RGS6: variants seen among roughly 807,000 people sequenced by gnomAD.
The protein encoded by RGS6 is regulator of G protein signaling 6.
In RGS6, 30 loss-of-function variants were observed where a neutral mutation model predicts 78.5. The ratio of observed to expected loss-of-function variants is 0.38; its 90% CI spans 0.29 to 0.52. The LOEUF is 0.52. Ranked by LOEUF, RGS6 falls within the 20% of genes least tolerant of loss-of-function variation. RGS6 has a pLI of 0.85. For missense variants in RGS6, 495 were observed against 609.7 expected, an observed-to-expected ratio of 0.81 and a Z score of 1.98; for synonymous variants, 206 against 206.0, an observed-to-expected ratio of 1.00 and a Z score of 0.00.
chr14:72,449,156 A>C (rs1030063062), intron 3 of RGS6, among the ~76,000 whole-genome samples: 7 of 152,228 alleles, frequency 4.6e-5, no homozygotes, highest in Non-Finnish European at 8.8e-5. Flanking sequence ...TTGACTGAAG[A>C]GTATGGTGAG....
chr14:72,418,328 G>A lies in RGS6; in HGVS notation c.185-36200G>A, dbSNP rs534514513. On this transcript the variant is annotated intron_variant, in intron 3 of 17. Coordinates refer to ENST00000553525, the MANE Select transcript of RGS6 (RefSeq NM_001204424.2). ...ATAACAGGCACCTGCCACTACAGCC[G>A]GCTAATTTTTGTATTTTTAGTAGAG... is the stretch of plus-strand genomic sequence containing the variant. 1.6e-4 allele frequency among the ~76,000 whole-genome samples: 25 copies of A among 152,110 alleles called. No homozygotes were observed. In the East Asian group the frequency reaches 2.1e-3, roughly 13 times the overall value.
chr14:72,090,795 C>T (rs1234044656), intron 2 of RGS6, among the ~76,000 whole-genome samples: 1 of 152,164 alleles, frequency 6.6e-6, no homozygotes, highest in Non-Finnish European at 1.5e-5. Context: ...TAGGGCCCAC[C>T]TTGGCCTTGC....
At chr14:72,226,805 C>T (rs892077537) in intron 2 of RGS6, among the ~76,000 whole-genome samples, 4 of 152,190 alleles carry the variant, frequency 2.6e-5, no homozygotes, top group Non-Finnish European at 5.9e-5. Context: ...TGGGTTCAAG[C>T]GATTCTCCTG....
chr14:72,615,900 G>A, the RGS6 span, among the ~76,000 whole-genome samples: 4 of 152,364 alleles, frequency 2.6e-5, no homozygotes, highest in Admixed American at 2.0e-4. Context: ...TTCCACTTCC[G>A]GTTGGGTCTG....
chr14:72,563,872 T>A lies in RGS6; in HGVS notation c.*1405T>A, dbSNP rs1250168867. 1 of 151,870 alleles carries A rather than the reference T, an allele frequency of 6.6e-6. No individual in the cohort carries two copies. Among genetic ancestry groups the A allele is most frequent in the Non-Finnish European group, 1.5e-5 (1 of 67,986 alleles). The allele number at this position is 151,870 out of a possible 1,614,324, so 9.4% of individuals were successfully genotyped here. The stretch of plus-strand genomic sequence containing the variant: ...ACTCCCCCACTTGCTATGACTACCC[T>A]CCTTTGATCTATTTTTGGTCATAGG... On this transcript the variant is annotated 3_prime_UTR_variant, in exon 18 of 18. Transcript: ENST00000553525.
chr14:72,210,673 A>G (rs1370463024), intron 2 of RGS6, among the ~76,000 whole-genome samples: 1 of 152,064 alleles, frequency 6.6e-6, no homozygotes, highest in Non-Finnish European at 1.5e-5. Context: ...TAACAGTGCA[A>G]ATCCTTTTGG....
intron 5 of RGS6, 96 bp downstream of exon 5, chr14:72,458,473 G>GGCTACTCCCTCAGATAT: frequency 1.1e-6 from 1 of 935,164 alleles, no homozygotes; most frequent in Non-Finnish European, 1.7e-6. Context: ...GATATCTGAG[G>GGCTACTCCCTCAGATAT]GAGTAGCCCT....
At chr14:72,233,587 G>A (rs1268676863) in intron 2 of RGS6, among the ~76,000 whole-genome samples, 1 of 152,170 alleles carries the variant, frequency 6.6e-6, no homozygotes, top group Non-Finnish European at 1.5e-5. Context: ...TTGATTCTTT[G>A]TATACTTGTT....
At chr14:72,280,759 C>T (rs1832721488) in intron 2 of RGS6, among the ~76,000 whole-genome samples, 1 of 152,160 alleles carries the variant, frequency 6.6e-6, no homozygotes, top group South Asian at 2.1e-4. Context: ...TTTTCACATG[C>T]TGAAACAGAG....
chr14:72,140,922 G>A (rs556040047), intron 2 of RGS6, among the ~76,000 whole-genome samples: 1 of 152,294 alleles, frequency 6.6e-6, no homozygotes, highest in East Asian at 1.9e-4. Context: ...TTTGATTTGG[G>A]AGAGGTTCTT....
At chr14:72,550,186 G>A (rs545481151) in intron 17 of RGS6, among the ~76,000 whole-genome samples, 5 of 152,196 alleles carry the variant, frequency 3.3e-5, no homozygotes, top group South Asian at 2.1e-4. Flanking sequence ...TGGCGATCCC[G>A]GTAAAGTCAG....
At chr14:72,270,151 A>G (rs964431232) in intron 2 of RGS6, among the ~76,000 whole-genome samples, 3 of 152,268 alleles carry the variant, frequency 2.0e-5, no homozygotes, top group African/African-American at 7.2e-5. Flanking sequence ...ATGGGGATGG[A>G]TCTAGATCAA....
chr14:71,946,030 C>T (rs2091459524), intron 1 of RGS6, among the ~76,000 whole-genome samples: 1 of 152,166 alleles, frequency 6.6e-6, no homozygotes. Flanking sequence ...TATTATTTTG[C>T]TGACCATACA....
chr14:72,160,784 T>G (rs1393964851), intron 2 of RGS6, among the ~76,000 whole-genome samples: 4 of 152,188 alleles, frequency 2.6e-5, no homozygotes, highest in Non-Finnish European at 5.9e-5. Context: ...GCTGACACCT[T>G]GACTTTGAAC....
chr14:72,437,577 G>A (rs1216682332), intron 3 of RGS6, among the ~76,000 whole-genome samples: 1 of 152,096 alleles, frequency 6.6e-6, no homozygotes, highest in Non-Finnish European at 1.5e-5. Flanking sequence ...GAGAAAACAG[G>A]GCTAAAAGGA....
chr14:72,256,581 C>T (rs2057128767), intron 2 of RGS6, among the ~76,000 whole-genome samples: 1 of 152,140 alleles, frequency 6.6e-6, no homozygotes, highest in Admixed American at 6.5e-5. Context: ...AACCTTGTCG[C>T]TTTTCATTAG....
chr14:72,125,487 T>C (rs2096166744), intron 2 of RGS6, among the ~76,000 whole-genome samples: 1 of 151,816 alleles, frequency 6.6e-6, no homozygotes, highest in African/African-American at 2.4e-5. Flanking sequence ...GATAGCAAGC[T>C]AATCACTGAG....
chr14:72,532,544 G>A (rs1290885091), intron 15 of RGS6, among the ~76,000 whole-genome samples: 1 of 152,236 alleles, frequency 6.6e-6, no homozygotes. Context: ...TAGTGAGGAA[G>A]GCATGTTGAA....
chr14:72,027,877 A>G (rs1021824477), intron 2 of RGS6, among the ~76,000 whole-genome samples: 1 of 152,192 alleles, frequency 6.6e-6, no homozygotes, highest in Non-Finnish European at 1.5e-5. Flanking sequence ...TCTCTTTTGC[A>G]CAGTTGTGTC....
Sources: gnomAD v4.1 joint callset for allele counts (sites outside exome capture counted in the v4.1 genomes callset) on GRCh38, gnomAD v4.1.1 for gene constraint, MANE v1.5 for transcripts, NCBI Gene and HGNC (gene_info 2026-07-23, HGNC 2026-07-21) for gene names.